The following STAM variants were observed in gnomAD, a reference collection of about 807,000 sequenced individuals.
STAM encodes signal transducing adapter molecule 1.
A neutral mutation model predicts 63.4 loss-of-function variants in STAM; 16 were observed. The ratio of observed to expected loss-of-function variants is 0.25; its 90% CI spans 0.17 to 0.38. The LOEUF is 0.38. Among genes scored for constraint, STAM ranks in the 10% least tolerant of loss-of-function variants. The pLI, the probability that STAM is intolerant of heterozygous loss-of-function variation, is 1.00. For synonymous variants in STAM, 238 were observed against 223.9 expected (o/e 1.06, Z -0.56); for missense variants, 636 against 657.1 (o/e 0.97, Z 0.35).
intron 2 of STAM, among the ~76,000 whole-genome samples, chr10:17,684,131 A>G (rs1207930670): frequency 2.6e-5 from 4 of 152,108 alleles, no homozygotes; most frequent in African/African-American, 9.7e-5. Context: ...GACCAGTTTC[A>G]TGGAGTTTTT....
chr10:17,697,972 G>T lies in STAM; in HGVS notation c.823+1103G>T, dbSNP rs78664097. 2.8e-3 allele frequency among the ~76,000 whole-genome samples: 430 copies of T among 152,000 alleles called. 2 individuals carry two copies. Among genetic ancestry groups the T allele is most frequent in the African/African-American group, 9.9e-3 (412 of 41,460 alleles). On this transcript the variant is annotated intron_variant, in intron 8 of 13. Coordinates refer to ENST00000377524, the MANE Select transcript of STAM (RefSeq NM_003473.4). ...TGTCCTGGTCATCTTTTTATTTCCA[G>T]CAGCTCCTAATAGTGAGTCTTATAA... is the stretch of plus-strand genomic sequence containing the variant.
At chr10:17,712,875 C>T (rs963552034) in intron 13 of STAM, among the ~76,000 whole-genome samples, 3 of 151,830 alleles carry the variant, frequency 2.0e-5, no homozygotes, top group Admixed American at 6.6e-5. Context: ...GCGGTGGGAG[C>T]GGTAGGGAAG....
chr10:17,698,132 C>G (rs1428279960), intron 8 of STAM, among the ~76,000 whole-genome samples: 1 of 152,144 alleles, frequency 6.6e-6, no homozygotes, highest in African/African-American at 2.4e-5. Flanking sequence ...ATGGTGCGCT[C>G]TCATAGTTAT....
intron 2 of STAM, chr10:17,673,225 T>C (rs1447045380): frequency 1.8e-5 from 3 of 163,706 alleles, no homozygotes; most frequent in Non-Finnish European, 3.8e-5. Flanking sequence ...TTGTGCGTTT[T>C]CCCCCTCATG....
At chr10:17,665,860 T>G (rs910586858) in intron 2 of STAM, among the ~76,000 whole-genome samples, 7 of 152,128 alleles carry the variant, frequency 4.6e-5, no homozygotes, top group Non-Finnish European at 7.4e-5. Context: ...TCTCAAGATA[T>G]TCACATGATT....
rs114491512 is a variant in STAM at position 17,691,828 on chromosome 10, G to A, written c.445-1394G>A. Among the ~76,000 whole-genome samples the A allele has an allele frequency of 4.8e-3, 738 of 152,200 alleles. 3 individuals carry two copies. The highest frequency in any genetic ancestry group is 0.017 in the African/African-American group (709 of 41,526). ...TGTTTTAGAATTTCATTTTTAAATTGTTTGCCCTGGGAATGACAATATACA... is the reference window on the plus strand; with the variant it reads ...TGTTTTAGAATTTCATTTTTAAATTATTTGCCCTGGGAATGACAATATACA... On this transcript the variant is annotated intron_variant, in intron 5 of 13. Transcript: ENST00000377524.
At chr10:17,690,483 G>T (rs1554826633) in intron 5 of STAM, among the ~76,000 whole-genome samples, 1 of 152,146 alleles carries the variant, frequency 6.6e-6, no homozygotes. Context: ...AAAATATGAT[G>T]AGGTAGAATG....
At chr10:17,663,154 G>A (rs1554823073) in intron 2 of STAM, among the ~76,000 whole-genome samples, 1 of 152,118 alleles carries the variant, frequency 6.6e-6, no homozygotes, top group Non-Finnish European at 1.5e-5. Context: ...AATTCTGTAT[G>A]TTGTAGCACA....
chr10:17,644,468 A>T, intron 1 of STAM, 89 bp downstream of exon 1: 1 of 1,522,454 alleles, frequency 6.6e-7, no homozygotes, highest in Admixed American at 1.8e-5. Flanking sequence ...CCCTCGGGCC[A>T]GGGCCAAGGA....
chr10:17,709,207 GT>G (rs1233169284), intron 13 of STAM, among the ~76,000 whole-genome samples: 1 of 151,972 alleles, frequency 6.6e-6, no homozygotes, highest in African/African-American at 2.4e-5. Flanking sequence ...CTAACCATAA[GT>G]TTTTATTGTT....
chr10:17,698,051 A>G (rs1335362527), intron 8 of STAM, among the ~76,000 whole-genome samples: 2 of 152,212 alleles, frequency 1.3e-5, no homozygotes, highest in East Asian at 3.9e-4. Flanking sequence ...TGTTAACAAT[A>G]AAGAGATACT....
At chr10:17,653,950 A>T (rs953350622) in intron 1 of STAM, among the ~76,000 whole-genome samples, 1 of 152,118 alleles carries the variant, frequency 6.6e-6, no homozygotes, top group African/African-American at 2.4e-5. Flanking sequence ...GTGAGTTGCT[A>T]TGGTGAATTA....
chr10:17,655,446 A>G (rs536161881), intron 1 of STAM, among the ~76,000 whole-genome samples: 2 of 152,216 alleles, frequency 1.3e-5, no homozygotes, highest in Non-Finnish European at 2.9e-5. Flanking sequence ...CCTATTGGTT[A>G]TTATCCACTT....
intron 2 of STAM, among the ~76,000 whole-genome samples, chr10:17,665,827 C>T (rs1834352297): frequency 6.6e-6 from 1 of 151,840 alleles, no homozygotes; most frequent in African/African-American, 2.4e-5. Context: ...CTTTAACAAA[C>T]ATTCTGAAAT....
intron 2 of STAM, among the ~76,000 whole-genome samples, chr10:17,666,056 A>G (rs1834361951): frequency 2.0e-5 from 3 of 152,222 alleles, no homozygotes; most frequent in African/African-American, 7.2e-5. Flanking sequence ...TGATTTGTTT[A>G]TATTTATGTA....
chr10:17,647,878 C>T (rs191014686), intron 1 of STAM, among the ~76,000 whole-genome samples: 6 of 152,296 alleles, frequency 3.9e-5, no homozygotes, highest in African/African-American at 1.2e-4. Context: ...CCTGAGCTCT[C>T]GACCTAGATA....
At chr10:17,644,470 G>A in intron 1 of STAM, 91 bp downstream of exon 1, 1 of 1,505,032 alleles carries the variant, frequency 6.6e-7, no homozygotes, top group Non-Finnish European at 9.2e-7. Context: ...CTCGGGCCAG[G>A]GCCAAGGAAG....
At chr10:17,649,507 A>G (rs1317544343) in intron 1 of STAM, among the ~76,000 whole-genome samples, 6 of 151,830 alleles carry the variant, frequency 4.0e-5, no homozygotes, top group Non-Finnish European at 8.8e-5. Context: ...TTGATTGATT[A>G]TCTTTTGTGT....
intron 2 of STAM, among the ~76,000 whole-genome samples, chr10:17,666,886 T>C (rs1478761571): frequency 6.6e-6 from 1 of 152,228 alleles, no homozygotes; most frequent in African/African-American, 2.4e-5. Flanking sequence ...TATAATCATA[T>C]CCTCATTTTA....
Sources: gnomAD v4.1 joint callset for allele counts (sites outside exome capture counted in the v4.1 genomes callset) on GRCh38, gnomAD v4.1.1 for gene constraint, MANE v1.5 for transcripts, NCBI Gene and HGNC (gene_info 2026-07-23, HGNC 2026-07-21) for gene names.